Variants in CAMTA1 observed in about 807,000 individuals in gnomAD.
The protein encoded by CAMTA1 is calmodulin-binding transcription activator 1.
A neutral mutation model predicts 170.9 loss-of-function variants in CAMTA1; 27 were observed. The ratio of observed to expected loss-of-function variants is 0.16; its 90% CI spans 0.12 to 0.22. CAMTA1 has a LOEUF of 0.22. Among genes scored for constraint, CAMTA1 ranks in the 10% least tolerant of loss-of-function variants. The pLI is 1.00. For missense variants in CAMTA1, 1,619 were observed against 2,217.2 expected, an observed-to-expected ratio of 0.73 and a Z score of 5.42; for synonymous variants, 833 against 891.5, an observed-to-expected ratio of 0.93 and a Z score of 1.17.
intron 6 of CAMTA1, among the ~76,000 whole-genome samples, chr1:7,568,089 A>G (rs1392899159): frequency 6.6e-6 from 1 of 151,934 alleles, no homozygotes; most frequent in Non-Finnish European, 1.5e-5. Flanking sequence ...CACCATCTCC[A>G]TCATCATCAT....
intron 4 of CAMTA1, among the ~76,000 whole-genome samples, chr1:7,114,556 G>T: frequency 6.6e-6 from 1 of 152,236 alleles, no homozygotes; most frequent in Non-Finnish European, 1.5e-5. Flanking sequence ...GTGGCCTGTG[G>T]GCTGTGGGTT....
intron 16 of CAMTA1, among the ~76,000 whole-genome samples, chr1:7,744,094 T>C (rs1409411900): frequency 6.6e-6 from 1 of 150,716 alleles, no homozygotes; most frequent in Non-Finnish European, 1.5e-5. Context: ...CCCAAAGTGC[T>C]GGGATTACAG....
intron 11 of CAMTA1, among the ~76,000 whole-genome samples, chr1:7,718,198 T>C (rs2096625307): frequency 6.6e-6 from 1 of 151,854 alleles, no homozygotes; most frequent in Admixed American, 6.6e-5. Context: ...GCAGTGGGCG[T>C]TCCGTAAACA....
intron 3 of CAMTA1, among the ~76,000 whole-genome samples, chr1:7,047,964 A>G: frequency 6.6e-6 from 1 of 151,988 alleles, no homozygotes; most frequent in East Asian, 1.9e-4. Context: ...CAAAGAAGAG[A>G]TTTTAGGACA....
At chr1:6,963,268 CTG>C (rs1250578872) in intron 3 of CAMTA1, among the ~76,000 whole-genome samples, 1 of 11,482 alleles carries the variant, frequency 8.7e-5, no homozygotes, top group East Asian at 2.6e-3. Flanking sequence ...TCCCACCCAC[CTG>C]GCCCCCCCCC....
At chr1:7,244,872 C>T (rs1440262705) in intron 4 of CAMTA1, among the ~76,000 whole-genome samples, 2 of 151,740 alleles carry the variant, frequency 1.3e-5, no homozygotes, top group Non-Finnish European at 2.9e-5. Flanking sequence ...TGCACATGTA[C>T]CCTAAAGCTT....
intron 18 of CAMTA1, among the ~76,000 whole-genome samples, chr1:7,746,441 C>T (rs1055669946): frequency 6.6e-6 from 1 of 152,182 alleles, no homozygotes; most frequent in African/African-American, 2.4e-5. Flanking sequence ...CTTTTAACAA[C>T]CAATTTTTAA....
chr1:7,355,205 C>CA lies in CAMTA1; in HGVS notation c.438+105597dup, dbSNP rs200603818. 3.7e-3 allele frequency among the ~76,000 whole-genome samples: 420 copies of CA among 112,840 alleles called. 1 individual carries two copies. Among genetic ancestry groups the CA allele is most frequent in the East Asian group, 0.013 (47 of 3,546 alleles). The allele number at this position is 112,840 out of a possible 152,430, so 74.0% of individuals were successfully genotyped here. On this transcript the variant is annotated intron_variant, in intron 5 of 22. Coordinates refer to ENST00000303635, the MANE Select transcript of CAMTA1 (RefSeq NM_015215.4). The stretch of plus-strand genomic sequence containing the variant: ...TGGGTGACAGAGCAAAACTCCGTCT[C>CA]AAAAAAAAAAAAAAAAAAGAAAGAA...
intron 4 of CAMTA1, among the ~76,000 whole-genome samples, chr1:7,166,894 T>C (rs1648582328): frequency 6.6e-6 from 1 of 151,130 alleles, no homozygotes; most frequent in Admixed American, 6.6e-5. Context: ...CACTGAAACC[T>C]CCACCTTCTG....
chr1:6,789,521 ACTT>A (rs1368387676), intron 1 of CAMTA1, among the ~76,000 whole-genome samples: 3 of 151,988 alleles, frequency 2.0e-5, no homozygotes, highest in Admixed American at 6.5e-5. Flanking sequence ...GTGCAGTTGT[ACTT>A]CTTTCTCCTT....
At chr1:7,055,077 A>G (rs1018022284) in intron 3 of CAMTA1, among the ~76,000 whole-genome samples, 5 of 152,164 alleles carry the variant, frequency 3.3e-5, no homozygotes, top group African/African-American at 1.2e-4. Context: ...AGGGGATGCC[A>G]CTAACCCATT....
chr1:7,564,566 G>A (rs574684879), intron 6 of CAMTA1, among the ~76,000 whole-genome samples: 1 of 152,206 alleles, frequency 6.6e-6, no homozygotes, highest in Non-Finnish European at 1.5e-5. Context: ...GGTTGCCTGT[G>A]CATGCCTGCG....
intron 3 of CAMTA1, among the ~76,000 whole-genome samples, chr1:7,054,913 G>C (rs775370627): frequency 6.6e-6 from 1 of 152,200 alleles, no homozygotes; most frequent in Non-Finnish European, 1.5e-5. Context: ...TTCTGGGGAG[G>C]CCTCAGGAAA....
At chr1:7,479,529 G>C (rs913595350) in intron 6 of CAMTA1, among the ~76,000 whole-genome samples, 1 of 152,192 alleles carries the variant, frequency 6.6e-6, no homozygotes, top group Non-Finnish European at 1.5e-5. Context: ...TAACAGAGCT[G>C]TCCTCTCACT....
chr1:7,292,950 C>T (rs561861299), intron 5 of CAMTA1, among the ~76,000 whole-genome samples: 1 of 152,250 alleles, frequency 6.6e-6, no homozygotes, highest in South Asian at 2.1e-4. Context: ...CCATGTCACA[C>T]CAGGCAGAGG....
chr1:6,945,127 T>C (rs1687362146), intron 3 of CAMTA1, among the ~76,000 whole-genome samples: 1 of 152,206 alleles, frequency 6.6e-6, no homozygotes, highest in Admixed American at 6.5e-5. Context: ...ATTTGGCATA[T>C]GATGGGTACT....
At chr1:7,363,435 G>A (rs749729087) in intron 5 of CAMTA1, among the ~76,000 whole-genome samples, 2 of 152,066 alleles carry the variant, frequency 1.3e-5, no homozygotes, top group Admixed American at 6.5e-5. Flanking sequence ...ATAATGGATG[G>A]AGGAATGATC....
chr1:7,121,688 G>A (rs925076056), intron 4 of CAMTA1, among the ~76,000 whole-genome samples: 15 of 152,228 alleles, frequency 9.9e-5, no homozygotes, highest in African/African-American at 3.4e-4. Flanking sequence ...CACTGTGCCT[G>A]CTGAGGTAGG....
chr1:7,710,903 A>G, intron 11 of CAMTA1, among the ~76,000 whole-genome samples: 1 of 152,110 alleles, frequency 6.6e-6, no homozygotes. Flanking sequence ...TTATTGGCCC[A>G]TCTTGAGTCA....
Sources: gnomAD v4.1 joint callset for allele counts (sites outside exome capture counted in the v4.1 genomes callset) on GRCh38, gnomAD v4.1.1 for gene constraint, MANE v1.5 for transcripts, NCBI Gene and HGNC (gene_info 2026-07-23, HGNC 2026-07-21) for gene names.